Variants in LOC400499 observed in about 807,000 individuals in gnomAD.
At chr16:11,404,954 A>G in the LOC400499 span, 3 of 398,076 alleles carry the variant, frequency 7.5e-6, no homozygotes, top group Admixed American at 4.4e-5. Context: ...AGGAGGAAAA[A>G]GGGAATATTT....
chr16:11,504,094 A>G, the LOC400499 span, among the ~76,000 whole-genome samples: 1 of 152,192 alleles, frequency 6.6e-6, no homozygotes, highest in African/African-American at 2.4e-5. Context: ...TCTGGCCACA[A>G]GTGTTACCCT....
the LOC400499 span, chr16:11,448,947 A>G: frequency 2.0e-6 from 3 of 1,497,854 alleles, no homozygotes; most frequent in East Asian, 7.4e-5. Context: ...GGCCGCTGTT[A>G]GGTTCAGCTC....
the LOC400499 span, among the ~76,000 whole-genome samples, chr16:11,519,776 G>C: frequency 6.6e-6 from 1 of 151,404 alleles, no homozygotes; most frequent in African/African-American, 2.4e-5. Context: ...CGCGATCTTG[G>C]CTCACAGCAA....
the LOC400499 span, chr16:11,390,223 G>T: frequency 8.1e-7 from 1 of 1,232,500 alleles, no homozygotes; most frequent in Non-Finnish European, 1.0e-6. Context: ...AGGGGACAGT[G>T]AGAGCTGGCT....
At chr16:11,462,063 C>T in the LOC400499 span, 1 of 1,389,304 alleles carries the variant, frequency 7.2e-7, no homozygotes, top group Non-Finnish European at 9.4e-7. Context: ...CTTGGGCCAC[C>T]ACACCCTAAC....
chr16:11,458,756 C>T, the LOC400499 span, among the ~76,000 whole-genome samples: 614 of 152,138 alleles, frequency 4.0e-3, 10 homozygotes, highest in Admixed American at 0.035. Context: ...GTAAATATGG[C>T]CGGGTGTGGT....
At chr16:11,374,410 C>A in the LOC400499 span, among the ~76,000 whole-genome samples, 1 of 152,034 alleles carries the variant, frequency 6.6e-6, no homozygotes, top group Non-Finnish European at 1.5e-5. Flanking sequence ...AGTACATGCA[C>A]ACTTTTGTGC....
the LOC400499 span, among the ~76,000 whole-genome samples, chr16:11,483,709 T>TA: frequency 0.019 from 2,698 of 145,382 alleles, 72 homozygotes; most frequent in African/African-American, 0.061. Flanking sequence ...GTACAACTTT[T>TA]AAAAAAAAAA....
chr16:11,489,528 G>GC, the LOC400499 span, among the ~76,000 whole-genome samples: 1 of 152,124 alleles, frequency 6.6e-6, no homozygotes, highest in East Asian at 1.9e-4. Flanking sequence ...CCTACAGGGA[G>GC]CCCCCAACCC....
chr16:11,409,681 C>A, the LOC400499 span, among the ~76,000 whole-genome samples: 1 of 152,186 alleles, frequency 6.6e-6, no homozygotes, highest in East Asian at 1.9e-4. Context: ...TGTATATGGG[C>A]TGTACATTAA....
chr16:11,460,658 C>G, the LOC400499 span: 1 of 1,483,494 alleles, frequency 6.7e-7, no homozygotes, highest in Non-Finnish European at 9.0e-7. Flanking sequence ...CCAGGCAGCC[C>G]TCCACCAGGG....
the LOC400499 span, chr16:11,521,828 A>T: frequency 1.8e-3 from 732 of 396,912 alleles, 4 homozygotes; most frequent in African/African-American, 0.014. Context: ...CTTGCCAAAT[A>T]TAAGATTCCT....
the LOC400499 span, among the ~76,000 whole-genome samples, chr16:11,474,297 A>T: frequency 6.6e-6 from 1 of 152,194 alleles, no homozygotes; most frequent in Admixed American, 6.5e-5. Flanking sequence ...ATTTCTGGAC[A>T]CTGAAATTTC....
the LOC400499 span, among the ~76,000 whole-genome samples, chr16:11,519,955 G>A: frequency 2.3e-4 from 35 of 152,068 alleles, no homozygotes; most frequent in Admixed American, 3.3e-4. Context: ...CACCCGCCTC[G>A]GCCTCCCAAT....
the LOC400499 span, among the ~76,000 whole-genome samples, chr16:11,512,140 T>A: frequency 1.3e-4 from 19 of 151,492 alleles, no homozygotes; most frequent in African/African-American, 4.4e-4. Flanking sequence ...AAATAAGCTG[T>A]GCATGGTGGC....
the LOC400499 span, among the ~76,000 whole-genome samples, chr16:11,492,455 G>A: frequency 1.3e-5 from 2 of 152,092 alleles, no homozygotes; most frequent in Non-Finnish European, 2.9e-5. Flanking sequence ...AGTGCAGGGA[G>A]ACAGTCAATG....
the LOC400499 span, chr16:11,384,892 C>T: frequency 3.2e-6 from 4 of 1,232,140 alleles, no homozygotes; most frequent in Non-Finnish European, 4.0e-6. Context: ...ACCCACCGTG[C>T]TGCCAGAGGC....
chr16:11,464,713 C>T, the LOC400499 span, among the ~76,000 whole-genome samples: 70 of 152,270 alleles, frequency 4.6e-4, no homozygotes, highest in Non-Finnish European at 5.9e-4. Context: ...TCCGGAGTTC[C>T]GGCTGTTACT....
the LOC400499 span, among the ~76,000 whole-genome samples, chr16:11,430,495 A>T: frequency 6.6e-6 from 1 of 152,196 alleles, no homozygotes; most frequent in Non-Finnish European, 1.5e-5. Flanking sequence ...AGTCTCAAAA[A>T]AGAAAACGAA....
Sources: allele counts gnomAD v4.1 joint callset (sites outside exome capture counted in the v4.1 genomes callset), GRCh38; gene constraint gnomAD v4.1.1; transcripts MANE v1.5.